KIRREL3: variants seen among roughly 807,000 people sequenced by gnomAD.
The protein encoded by KIRREL3 is kirre like nephrin family adhesion molecule 3, also known as kin of IRRE-like protein 3.
In KIRREL3, 36 loss-of-function variants were observed where a neutral mutation model predicts 89.7. The ratio of observed to expected loss-of-function variants is 0.40; its 90% CI spans 0.31 to 0.53. The LOEUF (loss-of-function observed/expected upper bound fraction) is 0.53. KIRREL3 is among the 20% of genes least tolerant of loss of function. The pLI, the probability that KIRREL3 is intolerant of heterozygous loss-of-function variation, is 0.49. For synonymous variants in KIRREL3, 445 were observed against 441.4 expected, an observed-to-expected ratio of 1.01 and a Z score of -0.10; for missense variants, 864 against 1,056.6, an observed-to-expected ratio of 0.82 and a Z score of 2.53.
Position 126,796,273 on chromosome 11 carries a change from A to G in KIRREL3, c.55+204182T>C, listed in dbSNP as rs1324278368. Among the ~76,000 whole-genome samples the G allele has an allele frequency of 6.6e-6, 1 of 152,090 alleles. No individual in the cohort carries two copies. Among genetic ancestry groups the G allele is most frequent in the Non-Finnish European group, 1.5e-5 (1 of 68,018 alleles). On this transcript the variant is annotated intron_variant, in intron 1 of 16. Transcript: ENST00000525144. The surrounding 1 kb of genome is among the most constrained non-coding windows in gnomAD (Gnocchi z 5.1). ...GAACAAAAAAACCAAGGACTTGACC[A>G]GATGAAAAGAGAGGGGCTCGATCCA... is the stretch of plus-strand genomic sequence containing the variant.
intron 1 of KIRREL3, among the ~76,000 whole-genome samples, chr11:126,671,597 G>A (rs183830940): frequency 1.3e-5 from 2 of 152,204 alleles, no homozygotes; most frequent in Non-Finnish European, 2.9e-5. Flanking sequence ...AAAGCAAATG[G>A]TCCAACTTAA....
chr11:126,599,030 C>T (rs1186186565), intron 1 of KIRREL3, among the ~76,000 whole-genome samples: 9 of 152,146 alleles, frequency 5.9e-5, no homozygotes, highest in African/African-American at 1.7e-4. Context: ...TTATAAAGTC[C>T]CCTTGTGGGC....
chr11:126,529,602 C>CA (rs57667466), intron 2 of KIRREL3, among the ~76,000 whole-genome samples: 11,326 of 111,656 alleles, frequency 0.1, 1,325 homozygotes, highest in African/African-American at 0.29. Context: ...GACTCGGTCT[C>CA]AAAAAAAAAA....
intron 4 of KIRREL3, among the ~76,000 whole-genome samples, chr11:126,510,425 C>CTTCCTTCCTTCCTTCT (rs1958180391): frequency 2.1e-5 from 1 of 47,822 alleles, no homozygotes; most frequent in African/African-American, 4.2e-5. Context: ...ACGTTGTTTC[C>CTTCCTTCCTTCCTTCT]TTCCTTCCTT....
intron 1 of KIRREL3, among the ~76,000 whole-genome samples, chr11:126,691,335 A>G (rs1336316891): frequency 6.6e-6 from 1 of 152,248 alleles, no homozygotes; most frequent in Non-Finnish European, 1.5e-5. Flanking sequence ...ATGTATGAGA[A>G]CGGTCATTTC....
chr11:126,953,393 G>A lies in KIRREL3; in HGVS notation c.55+47062C>T, dbSNP rs1253150847. On this transcript the variant is annotated intron_variant, in intron 1 of 16. Transcript: ENST00000525144. The surrounding 1 kb of genome is among the most constrained non-coding windows in gnomAD (Gnocchi z 5.2). ...AAATACCTAACGTAGATGAGGAGTC[G>A]ATGGGTGCAGCAAACCATCATGGCA... 4.6e-5 allele frequency among the ~76,000 whole-genome samples: 7 copies of A among 152,104 alleles called. No individual in the cohort carries two copies. Among genetic ancestry groups the A allele is most frequent in the African/African-American group, 1.7e-4 (7 of 41,412 alleles).
chr11:126,962,195 C>G (rs1949111487), intron 1 of KIRREL3, among the ~76,000 whole-genome samples: 3 of 152,186 alleles, frequency 2.0e-5, no homozygotes, highest in South Asian at 2.1e-4. Context: ...TGTTGAGGCT[C>G]TAGCTGCCTC....
chr11:126,792,797 T>G (rs544397509), intron 1 of KIRREL3, among the ~76,000 whole-genome samples: 1 of 152,226 alleles, frequency 6.6e-6, no homozygotes, highest in South Asian at 2.1e-4. Context: ...TCCAGTTTTA[T>G]AAAGCTCAAG....
chr11:126,631,002 C>G (rs1328570469), intron 1 of KIRREL3, among the ~76,000 whole-genome samples: 1 of 152,220 alleles, frequency 6.6e-6, no homozygotes, highest in Non-Finnish European at 1.5e-5. Flanking sequence ...CAGCTTCCAT[C>G]CCTGCCTGGT....
chr11:126,756,009 G>GA (rs1185621070), intron 1 of KIRREL3, among the ~76,000 whole-genome samples: 1 of 152,176 alleles, frequency 6.6e-6, no homozygotes, highest in African/African-American at 2.4e-5. Flanking sequence ...ACTAGCAATG[G>GA]AATGGGAGCT....
In KIRREL3 at chr11:126,640,803, T is replaced by C. The variant is rs905354973; in HGVS notation, c.56-77891A>G. Among the ~76,000 whole-genome samples, 1 of 152,162 alleles carries C rather than the reference T, an allele frequency of 6.6e-6. No homozygotes were observed. The highest frequency in any genetic ancestry group is 1.5e-5 in the Non-Finnish European group (1 of 68,026). On this transcript the variant is annotated intron_variant, in intron 1 of 16. Transcript: ENST00000525144. This position sits in a 1 kb window ranked among gnomAD's most constrained non-coding sequence, Gnocchi z 4.9. ...ATTCCTGGGTTCTCCATTCTAGTCATTTCCCTCCTACGTCACTGACTTATT... is the reference window on the plus strand; with the variant it reads ...ATTCCTGGGTTCTCCATTCTAGTCACTTCCCTCCTACGTCACTGACTTATT...
chr11:126,464,542 A>T (rs1056494292), intron 5 of KIRREL3, among the ~76,000 whole-genome samples: 1 of 20,684 alleles, frequency 4.8e-5, no homozygotes, highest in Non-Finnish European at 9.1e-5. Context: ...GAAGAAGAAG[A>T]AAAAGAAAAA....
At chr11:126,461,347 G>A (rs1245502461) in intron 6 of KIRREL3, among the ~76,000 whole-genome samples, 2 of 152,240 alleles carry the variant, frequency 1.3e-5, no homozygotes, top group African/African-American at 4.8e-5. Flanking sequence ...GCCGAGGGTC[G>A]GAGATTAAGG....
intron 1 of KIRREL3, among the ~76,000 whole-genome samples, chr11:126,691,114 G>A (rs770698364): frequency 3.3e-5 from 5 of 152,180 alleles, no homozygotes; most frequent in South Asian, 2.1e-4. Context: ...TCACCCACTC[G>A]GCTGTTAAGA....
intron 1 of KIRREL3, among the ~76,000 whole-genome samples, chr11:126,923,547 G>A (rs1268828612): frequency 3.3e-5 from 5 of 149,498 alleles, no homozygotes; most frequent in African/African-American, 9.8e-5. Context: ...GGGTTCAAGT[G>A]ATTCTCCTGC....
chr11:126,959,189 T>C (rs890903259), intron 1 of KIRREL3, among the ~76,000 whole-genome samples: 25 of 152,234 alleles, frequency 1.6e-4, no homozygotes, highest in Non-Finnish European at 3.4e-4. Context: ...TCTGGGTCTC[T>C]AGCTTTCCAA....
intron 1 of KIRREL3, among the ~76,000 whole-genome samples, chr11:126,801,281 C>T (rs1381280201): frequency 1.3e-5 from 2 of 152,190 alleles, no homozygotes; most frequent in East Asian, 3.8e-4. Flanking sequence ...TTGGGGACAT[C>T]AGCCTGATAC....
rs1945125263 is a variant in KIRREL3 at position 126,872,011 on chromosome 11, T to C, written c.55+128444A>G. Among the ~76,000 whole-genome samples the C allele has an allele frequency of 6.6e-6, 1 of 152,178 alleles. No individual in the cohort carries two copies. Among genetic ancestry groups the C allele is most frequent in the Non-Finnish European group, 1.5e-5 (1 of 68,034 alleles). On this transcript the variant is annotated intron_variant, in intron 1 of 16. Transcript: ENST00000525144. This position sits in a 1 kb window ranked among gnomAD's most constrained non-coding sequence, Gnocchi z 4.2. ...CTTTGTACTTAATGCAGACAGTGGCTATGAGGTAGGAAATCAGCAGAGCTT... is the reference window on the plus strand; with the variant it reads ...CTTTGTACTTAATGCAGACAGTGGCCATGAGGTAGGAAATCAGCAGAGCTT...
chr11:126,961,961 A>G (rs1949101112), intron 1 of KIRREL3, among the ~76,000 whole-genome samples: 1 of 152,250 alleles, frequency 6.6e-6, no homozygotes, highest in Admixed American at 6.5e-5. Flanking sequence ...AGGTTAGTTT[A>G]CTGAATATTT....
Sources: allele counts gnomAD v4.1 joint callset (sites outside exome capture counted in the v4.1 genomes callset), GRCh38; gene constraint gnomAD v4.1.1; non-coding constraint Gnocchi (gnomAD v3.1); transcripts MANE v1.5; gene names NCBI Gene and HGNC (gene_info 2026-07-23, HGNC 2026-07-21).